The following KMO variants were observed in gnomAD, a reference collection of about 807,000 sequenced individuals.
The protein encoded by KMO is kynurenine 3-monooxygenase.
Under a neutral mutation model 57.8 loss-of-function variants are expected in KMO, and 24 were observed. The observed-to-expected ratio is 0.42, with a 90% CI of 0.30 to 0.58. The LOEUF (loss-of-function observed/expected upper bound fraction) is 0.58. KMO is among the 20% of genes least tolerant of loss of function. The pLI is 0.22. For missense variants in KMO, 483 were observed against 588.2 expected (o/e 0.82, Z 1.85); for synonymous variants, 210 against 193.6 (o/e 1.08, Z -0.70).
chr1:241,591,521 T>G (rs1663300846), intron 14 of KMO, among the ~76,000 whole-genome samples: 1 of 152,132 alleles, frequency 6.6e-6, no homozygotes, highest in Admixed American at 6.5e-5. Flanking sequence ...CAGCTGGTGT[T>G]TAGTCTCCAC....
intron 14 of KMO, 42 bp downstream of exon 14, chr1:241,590,305 T>G (rs1293568602): frequency 7.1e-7 from 1 of 1,416,448 alleles, no homozygotes; most frequent in Non-Finnish European, 1.0e-6. Context: ...ATGTGGTGTT[T>G]TGAAATGTCA....
At chr1:241,585,757 T>C (rs931975776) in intron 10 of KMO, among the ~76,000 whole-genome samples, 2 of 99,724 alleles carry the variant, frequency 2.0e-5, no homozygotes, top group East Asian at 5.2e-4. Flanking sequence ...CCATCTAAAA[T>C]AAAAAAAAAA....
chr1:241,552,485 C>A (rs545349120), intron 4 of KMO, among the ~76,000 whole-genome samples: 2 of 152,270 alleles, frequency 1.3e-5, no homozygotes, highest in African/African-American at 2.4e-5. Context: ...AGCACAAAGC[C>A]ATTCCCATGA....
chr1:241,574,532 G>GTTT (rs59988648), intron 10 of KMO, among the ~76,000 whole-genome samples: 228 of 150,446 alleles, frequency 1.5e-3, no homozygotes, highest in African/African-American at 4.2e-3. Flanking sequence ...TGATCATATG[G>GTTT]TTTTTTTTTT....
chr1:241,586,659 C>CTTTTTTT lies in KMO; in HGVS notation c.958-17_958-11dup. 1.3e-6 allele frequency: 2 copies of CTTTTTTT among 1,486,292 alleles called. No individual in the cohort carries two copies. The highest frequency in any genetic ancestry group is 1.9e-5 in the Admixed American group (1 of 52,040). The allele number at this position is 1,486,292 out of a possible 1,614,324, so 92.1% of individuals were successfully genotyped here. A position where few individuals can be genotyped will look rare whatever the true frequency, so the allele number is the denominator to read the frequency against. ...TTATTATTTCTAGTTTCTTATTTCT[C>CTTTTTTT]TTTTTTTTTCTTGTTTCAGGGCTTT... On this transcript the variant is annotated intron_variant, in intron 10 of 14. Coordinates refer to ENST00000366559, the MANE Select transcript of KMO (RefSeq NM_003679.5).
intron 1 of KMO, among the ~76,000 whole-genome samples, chr1:241,540,768 A>G (rs559624430): frequency 1.3e-5 from 2 of 152,320 alleles, no homozygotes; most frequent in South Asian, 4.1e-4. Flanking sequence ...CATCTTATTT[A>G]GAAGATAATT....
At chr1:241,546,142 T>C (rs1227755102) in intron 1 of KMO, among the ~76,000 whole-genome samples, 1 of 152,158 alleles carries the variant, frequency 6.6e-6, no homozygotes, top group Non-Finnish European at 1.5e-5. Flanking sequence ...ATCATTGGTT[T>C]CCTTCCAGTT....
intron 3 of KMO, among the ~76,000 whole-genome samples, chr1:241,550,299 A>G (rs1661348954): frequency 6.6e-6 from 1 of 152,172 alleles, no homozygotes; most frequent in Admixed American, 6.5e-5. Flanking sequence ...TATCCAGCAT[A>G]TGTGTACTAC....
chr1:241,534,847 A>T (rs192188159), intron 1 of KMO, among the ~76,000 whole-genome samples: 22 of 152,312 alleles, frequency 1.4e-4, no homozygotes, highest in Admixed American at 1.0e-3. Context: ...AATAAAATAA[A>T]ACCCAAACTC....
chr1:241,576,889 A>G (rs1381244945), intron 10 of KMO, among the ~76,000 whole-genome samples: 1 of 151,954 alleles, frequency 6.6e-6, no homozygotes, highest in East Asian at 1.9e-4. Flanking sequence ...AGATTTGGCC[A>G]TTTTACATAA....
At chr1:241,571,132 C>A (rs1662262937) in intron 10 of KMO, among the ~76,000 whole-genome samples, 2 of 151,916 alleles carry the variant, frequency 1.3e-5, no homozygotes, top group Non-Finnish European at 1.5e-5. Context: ...GATTTTGTAT[C>A]CTGTAACTTT....
At chr1:241,537,304 C>G (rs2147938003) in intron 1 of KMO, among the ~76,000 whole-genome samples, 1 of 152,326 alleles carries the variant, frequency 6.6e-6, no homozygotes. Flanking sequence ...AGAATTTTCA[C>G]TTTCCCTGAA....
At chr1:241,579,030 C>T (rs1662650796) in intron 10 of KMO, among the ~76,000 whole-genome samples, 1 of 152,084 alleles carries the variant, frequency 6.6e-6, no homozygotes, top group African/African-American at 2.4e-5. Context: ...CCCACCAGGT[C>T]CCTCCCACAA....
intron 8 of KMO, 144 bp from the exon 9 acceptor site, chr1:241,566,347 G>C: frequency 1.2e-6 from 1 of 868,846 alleles, no homozygotes; most frequent in Non-Finnish European, 1.8e-6. Context: ...GGGGAACAAA[G>C]TGACAGTGCC....
chr1:241,572,828 T>C lies in KMO; in HGVS notation c.957+4181T>C, dbSNP rs189627998. On this transcript the variant is annotated intron_variant, in intron 10 of 14. Coordinates refer to ENST00000366559, the MANE Select transcript of KMO (RefSeq NM_003679.5). Reference sequence around the variant, plus strand: ...CATTCTGAGTCACCAAAGCCCATTATATTACTCTGCGTTTCTGTACTCATA... The same window carrying C: ...CATTCTGAGTCACCAAAGCCCATTACATTACTCTGCGTTTCTGTACTCATA... 1.5e-3 allele frequency among the ~76,000 whole-genome samples: 231 copies of C among 152,256 alleles called. 4 individuals carry two copies. Among genetic ancestry groups the C allele is most frequent in the African/African-American group, 5.1e-3 (212 of 41,558 alleles).
chr1:241,557,670 G>T (rs1165038480), intron 5 of KMO, among the ~76,000 whole-genome samples: 8 of 152,114 alleles, frequency 5.3e-5, no homozygotes, highest in African/African-American at 1.9e-4. Flanking sequence ...TCTCAAGAAA[G>T]CAAATGAACC....
chr1:241,567,158 T>A (rs1266995423), intron 9 of KMO, among the ~76,000 whole-genome samples: 1 of 152,246 alleles, frequency 6.6e-6, no homozygotes, highest in Non-Finnish European at 1.5e-5. Context: ...TCCAATGATG[T>A]CTTCATGAAG....
chr1:241,554,227 TTTCCTTCCTTCCTTCCTTCC>T (rs59290477), intron 4 of KMO, among the ~76,000 whole-genome samples: 4,539 of 132,110 alleles, frequency 0.034, 191 homozygotes, highest in African/African-American at 0.095. Flanking sequence ...AATACTTTTC[TTTCCTTCCTTCCTTCCTTCC>T]TTCCTTCCTT....
At chr1:241,539,070 A>G (rs1660856480) in intron 1 of KMO, among the ~76,000 whole-genome samples, 1 of 152,070 alleles carries the variant, frequency 6.6e-6, no homozygotes, top group Non-Finnish European at 1.5e-5. Context: ...GAAAATATAC[A>G]CATCTGTAGT....
Sources: allele counts gnomAD v4.1 joint callset (sites outside exome capture counted in the v4.1 genomes callset), GRCh38; gene constraint gnomAD v4.1.1; transcripts MANE v1.5; gene names NCBI Gene and HGNC (gene_info 2026-07-23, HGNC 2026-07-21).